DLGAP2: variants seen among roughly 807,000 people sequenced by gnomAD.
The protein encoded by DLGAP2 is DLG associated protein 2.
Under a neutral mutation model 100.3 loss-of-function variants are expected in DLGAP2, and 26 were observed. That is an observed-to-expected ratio of 0.26 (90% CI 0.19 to 0.36). DLGAP2 has a LOEUF of 0.36. Ranked by LOEUF, DLGAP2 falls within the 10% of genes least tolerant of loss-of-function variation. The pLI, the probability that DLGAP2 is intolerant of heterozygous loss-of-function variation, is 1.00. For missense variants in DLGAP2, 1,858 were observed against 1,453.2 expected (o/e 1.28, Z -4.53); for synonymous variants, 886 against 630.1 (o/e 1.41, Z -6.08).
At chr8:1,639,112 C>G (rs1797837340) in intron 8 of DLGAP2, among the ~76,000 whole-genome samples, 1 of 152,306 alleles carries the variant, frequency 6.6e-6, no homozygotes, top group African/African-American at 2.4e-5. Context: ...GCTGAGGGTC[C>G]CATGACTTGC....
At chr8:1,254,719 G>A (rs1799132124) in intron 2 of DLGAP2, among the ~76,000 whole-genome samples, 1 of 152,136 alleles carries the variant, frequency 6.6e-6, no homozygotes, top group Admixed American at 6.5e-5. Flanking sequence ...AGGATGAGAC[G>A]AAAAAATCCC....
chr8:1,312,329 G>C (rs949459205), intron 3 of DLGAP2, among the ~76,000 whole-genome samples: 8 of 152,226 alleles, frequency 5.3e-5, no homozygotes, highest in African/African-American at 1.9e-4. Context: ...AGAACAGATT[G>C]AGTGATTGGA....
At chr8:1,315,319 G>A (rs1436706252) in intron 3 of DLGAP2, among the ~76,000 whole-genome samples, 1 of 148,438 alleles carries the variant, frequency 6.7e-6, no homozygotes, top group Non-Finnish European at 1.5e-5. Context: ...TCCAACATTG[G>A]TCTACACTCG....
intron 1 of DLGAP2, among the ~76,000 whole-genome samples, chr8:887,689 T>C (rs985525997): frequency 3.3e-5 from 5 of 152,228 alleles, no homozygotes; most frequent in African/African-American, 1.2e-4. Context: ...TTAAGAATGT[T>C]GAATATTGAC....
intron 3 of DLGAP2, chr8:1,300,803 G>A (rs994881653): frequency 1.3e-5 from 2 of 152,212 alleles, no homozygotes; most frequent in Admixed American, 6.5e-5. Flanking sequence ...CTAAAACCAC[G>A]GTGTGTGTGG....
At chr8:1,304,614 A>T (rs774241859) in intron 3 of DLGAP2, among the ~76,000 whole-genome samples, 3 of 152,216 alleles carry the variant, frequency 2.0e-5, no homozygotes, top group African/African-American at 7.2e-5. Flanking sequence ...TCTTAATCCA[A>T]TAATAATTAA....
intron 2 of DLGAP2, among the ~76,000 whole-genome samples, chr8:1,194,746 C>G (rs1797713083): frequency 6.6e-6 from 1 of 152,184 alleles, no homozygotes; most frequent in Non-Finnish European, 1.5e-5. Context: ...GCCCGATGAG[C>G]TTCATTAGAC....
chr8:1,334,456 C>T (rs916334283), intron 3 of DLGAP2, among the ~76,000 whole-genome samples: 18 of 152,214 alleles, frequency 1.2e-4, no homozygotes, highest in Admixed American at 7.9e-4. Context: ...TGGGAACGTG[C>T]TGTGGATTTC....
intron 2 of DLGAP2, among the ~76,000 whole-genome samples, chr8:1,047,384 A>G (rs1447756220): frequency 1.3e-5 from 2 of 152,150 alleles, no homozygotes; most frequent in African/African-American, 4.8e-5. Context: ...ATTTTGGAAT[A>G]TTTGCATTAC....
At chr8:864,410 A>G (rs1310291612) in intron 1 of DLGAP2, among the ~76,000 whole-genome samples, 1 of 152,234 alleles carries the variant, frequency 6.6e-6, no homozygotes, top group Non-Finnish European at 1.5e-5. Flanking sequence ...TCCATTGCAC[A>G]AAGTCTCTGT....
intron 1 of DLGAP2, among the ~76,000 whole-genome samples, chr8:897,835 C>A (rs763380369): frequency 4.4e-4 from 67 of 152,136 alleles, no homozygotes; most frequent in Non-Finnish European, 7.9e-4. Flanking sequence ...GCTCTCCGTG[C>A]GGGGTTGGCT....
At chr8:1,232,331 C>A (rs1276112441) in intron 2 of DLGAP2, among the ~76,000 whole-genome samples, 1 of 152,224 alleles carries the variant, frequency 6.6e-6, no homozygotes, top group African/African-American at 2.4e-5. Flanking sequence ...CCTCTGGCCC[C>A]ACAGGCTGTG....
rs1450154983 is a variant in DLGAP2 at position 928,650 on chromosome 8, G to A, written c.73+20684G>A. On this transcript the variant is annotated intron_variant, in intron 2 of 14. Transcript: ENST00000637795. Reference sequence around the variant, plus strand: ...ATAAAGCACAGGGGAAGAACTTGGTGATACTGGACAGGTCCTCCTCTGCCC... The same window carrying A: ...ATAAAGCACAGGGGAAGAACTTGGTAATACTGGACAGGTCCTCCTCTGCCC... 3.9e-5 allele frequency among the ~76,000 whole-genome samples: 6 copies of A among 152,236 alleles called. No homozygotes were observed. The East Asian group carries it at 5.8e-4, about 15-fold the overall frequency.
At chr8:1,555,901 C>T (rs569691035) in intron 5 of DLGAP2, among the ~76,000 whole-genome samples, 33 of 152,360 alleles carry the variant, frequency 2.2e-4, no homozygotes, top group Non-Finnish European at 3.1e-4. Flanking sequence ...CAATCCTTCA[C>T]GCCTCCGTTT....
At chr8:1,364,285 C>T (rs1407323359) in intron 3 of DLGAP2, among the ~76,000 whole-genome samples, 1 of 152,154 alleles carries the variant, frequency 6.6e-6, no homozygotes, top group African/African-American at 2.4e-5. Flanking sequence ...AGGAGGGGTG[C>T]CCTGTGCTCC....
At chr8:1,543,858 A>G (rs1308130674) in intron 4 of DLGAP2, among the ~76,000 whole-genome samples, 1 of 151,912 alleles carries the variant, frequency 6.6e-6, no homozygotes, top group Non-Finnish European at 1.5e-5. Flanking sequence ...TTCTTTCAGT[A>G]GCGATGTTTT....
intron 4 of DLGAP2, among the ~76,000 whole-genome samples, chr8:1,520,058 C>T (rs1800534116): frequency 6.6e-6 from 1 of 152,216 alleles, no homozygotes; most frequent in African/African-American, 2.4e-5. Flanking sequence ...GCCTTCTCCA[C>T]TGAGAGCTCT....
chr8:1,120,059 C>T (rs1181399472), intron 2 of DLGAP2, among the ~76,000 whole-genome samples: 1 of 152,158 alleles, frequency 6.6e-6, no homozygotes, highest in Non-Finnish European at 1.5e-5. Flanking sequence ...ATAACAAAAA[C>T]AGGAAAATCC....
At chr8:1,290,921 G>A (rs778158846) in intron 3 of DLGAP2, among the ~76,000 whole-genome samples, 5 of 152,110 alleles carry the variant, frequency 3.3e-5, no homozygotes, top group Non-Finnish European at 5.9e-5. Flanking sequence ...ACCGTTCACT[G>A]GTGTTAAGGA....
Sources: allele counts gnomAD v4.1 joint callset (sites outside exome capture counted in the v4.1 genomes callset), GRCh38; gene constraint gnomAD v4.1.1; transcripts MANE v1.5; gene names NCBI Gene and HGNC (gene_info 2026-07-23, HGNC 2026-07-21).